Variants in CADM2 observed in about 807,000 individuals in gnomAD.
The protein encoded by CADM2 is immunoglobulin superfamily member 4D.
Under a neutral mutation model 49.8 loss-of-function variants are expected in CADM2, and 12 were observed. The ratio of observed to expected loss-of-function variants is 0.24; its 90% confidence interval spans 0.15 to 0.39. CADM2 has a LOEUF of 0.39. CADM2 is among the 10% of genes least tolerant of loss of function. CADM2 has a pLI of 1.00. For synonymous variants in CADM2, 214 were observed against 175.4 expected, an observed-to-expected ratio of 1.22 and a Z score of -1.74; for missense variants, 378 against 492.3, an observed-to-expected ratio of 0.77 and a Z score of 2.20.
intron 1 of CADM2, among the ~76,000 whole-genome samples, chr3:85,360,503 T>G (rs1175655069): frequency 6.6e-6 from 1 of 152,202 alleles, no homozygotes; most frequent in Non-Finnish European, 1.5e-5. Context: ...TCATTACAAC[T>G]TCTATAACAT....
chr3:85,472,869 A>C (rs1258915595), intron 1 of CADM2, among the ~76,000 whole-genome samples: 1 of 152,078 alleles, frequency 6.6e-6, no homozygotes, highest in Non-Finnish European at 1.5e-5. Context: ...GTGATAGAGT[A>C]ACTGGCTTTA....
chr3:85,302,195 T>C (rs1194070235), intron 1 of CADM2, among the ~76,000 whole-genome samples: 1 of 152,092 alleles, frequency 6.6e-6, no homozygotes, highest in Non-Finnish European at 1.5e-5. Flanking sequence ...TTATGTAATG[T>C]TTAAGTCTGA....
rs914458476 is a variant in CADM2 at position 85,391,558 on chromosome 3, A to G, written c.62-334964A>G. On this transcript the variant is annotated intron_variant, in intron 1 of 9. Transcript: ENST00000383699. Reference sequence around the variant, plus strand: ...TGTAAATTGCAAACTTAAAAACAACAATAGCAACAATAGTCAAGACCTGAC... The same window carrying G: ...TGTAAATTGCAAACTTAAAAACAACGATAGCAACAATAGTCAAGACCTGAC... Among the ~76,000 whole-genome samples the G allele has an allele frequency of 2.6e-5, 4 of 152,200 alleles. No homozygotes were observed. The South Asian group carries it at 8.3e-4, about 32-fold the overall frequency.
chr3:85,684,925 A>T (rs989749375), intron 1 of CADM2, among the ~76,000 whole-genome samples: 3 of 152,164 alleles, frequency 2.0e-5, no homozygotes, highest in African/African-American at 7.2e-5. Flanking sequence ...TCCATAATCT[A>T]AAGTCCCCAG....
At chr3:85,170,093 C>T (rs1191029075) in intron 1 of CADM2, among the ~76,000 whole-genome samples, 1 of 152,130 alleles carries the variant, frequency 6.6e-6, no homozygotes, top group African/African-American at 2.4e-5. Context: ...GAAATAGCAG[C>T]TTCACATCAG....
In CADM2 at chr3:85,511,913, A is replaced by T. The variant is rs1000971991; in HGVS notation, c.62-214609A>T. On this transcript the variant is annotated intron_variant, in intron 1 of 9. Coordinates refer to ENST00000383699, the MANE Select transcript of CADM2 (RefSeq NM_001167675.2). The stretch of plus-strand genomic sequence containing the variant: ...ACTGCATCAAGGTAAAACAAGAAAA[A>T]GTGGTGAAATTATATCTTATAGCAA... 6 of 965,510 alleles carry T rather than the reference A, an allele frequency of 6.2e-6. No individual in the cohort carries two copies. In the African/African-American group the frequency reaches 1.1e-4, roughly 17 times the overall value. The allele number at this position is 965,510 out of a possible 1,614,324, so 59.8% of individuals were successfully genotyped here.
At chr3:85,113,026 C>T (rs2038517265) in intron 1 of CADM2, among the ~76,000 whole-genome samples, 3 of 151,704 alleles carry the variant, frequency 2.0e-5, no homozygotes, top group Non-Finnish European at 4.4e-5. Context: ...AAACATTTAC[C>T]TATAGATAAA....
intron 1 of CADM2, among the ~76,000 whole-genome samples, chr3:85,271,609 C>A (rs879790483): frequency 6.6e-6 from 1 of 151,118 alleles, no homozygotes; most frequent in Non-Finnish European, 1.5e-5. Context: ...ACCATATCTC[C>A]TGCCTCTATC....
At chr3:85,865,265 C>A (rs1234629466) in intron 3 of CADM2, among the ~76,000 whole-genome samples, 1 of 152,180 alleles carries the variant, frequency 6.6e-6, no homozygotes, top group Non-Finnish European at 1.5e-5. Flanking sequence ...CTCTTTCACT[C>A]CCTCGGAACA....
At chr3:85,562,477 TCAAAA>T (rs1253552537) in intron 1 of CADM2, among the ~76,000 whole-genome samples, 1 of 24,178 alleles carries the variant, frequency 4.1e-5, no homozygotes. Context: ...AAACTCCATC[TCAAAA>T]AAAAAAAAAA....
intron 6 of CADM2, among the ~76,000 whole-genome samples, chr3:85,919,709 T>C (rs895311871): frequency 1.3e-5 from 2 of 151,854 alleles, no homozygotes; most frequent in African/African-American, 4.8e-5. Context: ...ATTCCTTCCT[T>C]GCCTTACTCC....
intron 1 of CADM2, among the ~76,000 whole-genome samples, chr3:85,086,407 C>T (rs1371747142): frequency 6.6e-6 from 1 of 151,370 alleles, no homozygotes; most frequent in African/African-American, 2.4e-5. Context: ...GGAAAGAAGA[C>T]TAGGCATTTG....
chr3:85,369,819 C>T (rs2033069631), intron 1 of CADM2, among the ~76,000 whole-genome samples: 1 of 152,068 alleles, frequency 6.6e-6, no homozygotes, highest in African/African-American at 2.4e-5. Context: ...GCTCAAGTGT[C>T]CCTTTGCTGA....
At chr3:85,223,578 C>T (rs1408216559) in intron 1 of CADM2, among the ~76,000 whole-genome samples, 3 of 151,954 alleles carry the variant, frequency 2.0e-5, no homozygotes, top group Admixed American at 6.6e-5. Flanking sequence ...TAAAGGAAGA[C>T]AAATGTTTTT....
chr3:85,354,380 C>T (rs755358111), intron 1 of CADM2, among the ~76,000 whole-genome samples: 28 of 148,704 alleles, frequency 1.9e-4, no homozygotes, highest in Non-Finnish European at 3.7e-4. Context: ...GGAGGGATAG[C>T]ATTAAGAGAT....
chr3:85,347,628 TAA>T (rs774834010), intron 1 of CADM2, among the ~76,000 whole-genome samples: 62,697 of 142,166 alleles, frequency 0.44, 14,980 homozygotes, highest in East Asian at 0.75. Context: ...TACATATATA[TAA>T]ATATATATAC....
At chr3:85,643,696 A>C (rs1237111571) in intron 1 of CADM2, among the ~76,000 whole-genome samples, 2 of 152,142 alleles carry the variant, frequency 1.3e-5, no homozygotes, top group Non-Finnish European at 2.9e-5. Context: ...TTTCTTTGTG[A>C]TACTATAATG....
At chr3:85,937,916 T>A (rs553666479) in intron 7 of CADM2, among the ~76,000 whole-genome samples, 1 of 152,170 alleles carries the variant, frequency 6.6e-6, no homozygotes, top group South Asian at 2.1e-4. Context: ...TCTTCATAAA[T>A]CCCAGTGTTA....
chr3:85,049,597 G>A (rs1269437422), intron 1 of CADM2, among the ~76,000 whole-genome samples: 3 of 151,564 alleles, frequency 2.0e-5, no homozygotes, highest in African/African-American at 4.8e-5. Flanking sequence ...TGATCTGCCC[G>A]CCTCAGCCTC....
Sources: gnomAD v4.1 joint callset for allele counts (sites outside exome capture counted in the v4.1 genomes callset) on GRCh38, gnomAD v4.1.1 for gene constraint, MANE v1.5 for transcripts, NCBI Gene and HGNC (gene_info 2026-07-23, HGNC 2026-07-21) for gene names.